The following CLSTN2 variants were observed in gnomAD, a reference collection of about 807,000 sequenced individuals.
CLSTN2 encodes the protein calsyntenin-2.
CLSTN2 carries 48 observed loss-of-function variants against 101.2 expected under a neutral mutation model. The observed-to-expected ratio is 0.47, with a 90% confidence interval of 0.38 to 0.60. CLSTN2 has a LOEUF of 0.60. Ranked by LOEUF, CLSTN2 falls within the 20% of genes least tolerant of loss-of-function variation. The probability of loss-of-function intolerance (pLI) is 0.00; values close to 1 mark genes in which losing one functional copy is unlikely to be tolerated. For synonymous variants in CLSTN2, 481 were observed against 463.6 expected (o/e 1.04, Z -0.48); for missense variants, 1,160 against 1,238.2 (o/e 0.94, Z 0.95).
chr3:140,273,238 C>CA, intron 2 of CLSTN2, among the ~76,000 whole-genome samples: 1 of 152,138 alleles, frequency 6.6e-6, no homozygotes, highest in South Asian at 2.1e-4. Flanking sequence ...GCAGGGAGAG[C>CA]ATTAGGACAA....
chr3:140,328,529 A>G (rs2087352346), intron 2 of CLSTN2, among the ~76,000 whole-genome samples: 1 of 152,214 alleles, frequency 6.6e-6, no homozygotes, highest in African/African-American at 2.4e-5. Flanking sequence ...GGGGAGCTCA[A>G]TACAAACACG....
intron 1 of CLSTN2, among the ~76,000 whole-genome samples, chr3:139,961,489 C>T (rs1645516036): frequency 6.6e-6 from 1 of 151,968 alleles, no homozygotes; most frequent in African/African-American, 2.4e-5. Flanking sequence ...AGAGTTTGAA[C>T]AAAATATGCA....
intron 8 of CLSTN2, 51 bp from the exon 9 acceptor site, chr3:140,532,273 T>C (rs6788857): frequency 6.8e-7 from 1 of 1,472,460 alleles, no homozygotes; most frequent in South Asian, 1.3e-5. Flanking sequence ...GCCTGTTTGA[T>C]GTTTTATTAC....
intron 5 of CLSTN2, among the ~76,000 whole-genome samples, chr3:140,440,870 A>C (rs1243654156): frequency 1.3e-5 from 2 of 152,218 alleles, no homozygotes; most frequent in East Asian, 3.8e-4. Context: ...CAGCTGCATA[A>C]TTTGTGGGTC....
intron 1 of CLSTN2, among the ~76,000 whole-genome samples, chr3:140,152,744 A>G (rs2009887262): frequency 6.6e-6 from 1 of 152,180 alleles, no homozygotes; most frequent in Admixed American, 6.5e-5. Flanking sequence ...AGGATTAAGT[A>G]TAAGGTTTAT....
intron 2 of CLSTN2, among the ~76,000 whole-genome samples, chr3:140,307,156 T>A (rs929673652): frequency 5.3e-5 from 8 of 152,182 alleles, no homozygotes; most frequent in African/African-American, 1.9e-4. Context: ...CCTTCCACCA[T>A]GATTATGAGG....
chr3:140,244,285 G>A (rs1473466299), intron 2 of CLSTN2, among the ~76,000 whole-genome samples: 3 of 152,172 alleles, frequency 2.0e-5, no homozygotes, highest in Non-Finnish European at 4.4e-5. Flanking sequence ...GCATGAGGGT[G>A]GGTTTTGTGA....
chr3:140,458,224 G>A (rs1382942955), intron 6 of CLSTN2, among the ~76,000 whole-genome samples: 2 of 150,928 alleles, frequency 1.3e-5, no homozygotes, highest in Non-Finnish European at 2.9e-5. Flanking sequence ...GGTGAGATGA[G>A]GCTCTGATAT....
chr3:139,966,557 C>A (rs974461440), intron 1 of CLSTN2, among the ~76,000 whole-genome samples: 1 of 152,152 alleles, frequency 6.6e-6, no homozygotes, highest in African/African-American at 2.4e-5. Context: ...CAGGCCTCAC[C>A]CCTTTTAGAA....
intron 1 of CLSTN2, among the ~76,000 whole-genome samples, chr3:140,171,841 A>AATATAATATATATATTATATAATAACAAT (rs1559797435): frequency 2.2e-4 from 20 of 91,958 alleles, no homozygotes; most frequent in Non-Finnish European, 3.5e-4. Context: ...AACAATATAT[A>AATATAATATATATATTATATAATAACAAT]ATATAATATA....
At chr3:140,121,765 T>G (rs2009344616) in intron 1 of CLSTN2, among the ~76,000 whole-genome samples, 1 of 152,120 alleles carries the variant, frequency 6.6e-6, no homozygotes, top group African/African-American at 2.4e-5. Context: ...TTGGTGGGCT[T>G]GGTGAGAGGG....
chr3:140,429,321 TA>T (rs918670696), intron 5 of CLSTN2, among the ~76,000 whole-genome samples: 1 of 152,000 alleles, frequency 6.6e-6, no homozygotes, highest in African/African-American at 2.4e-5. Flanking sequence ...ATGCTGAGGA[TA>T]AAAGCTGCAC....
chr3:140,111,126 G>A (rs2009149156), intron 1 of CLSTN2, among the ~76,000 whole-genome samples: 4 of 152,084 alleles, frequency 2.6e-5, no homozygotes, highest in Non-Finnish European at 5.9e-5. Flanking sequence ...TATTCCAAGG[G>A]GGCCAGTGAT....
At chr3:140,431,002 A>G (rs2088623023) in intron 5 of CLSTN2, among the ~76,000 whole-genome samples, 1 of 152,228 alleles carries the variant, frequency 6.6e-6, no homozygotes, top group Non-Finnish European at 1.5e-5. Context: ...GCTTTATAAA[A>G]GGGTATATCA....
chr3:140,421,295 TTG>T, intron 5 of CLSTN2, 21 bp downstream of exon 5: 1 of 1,613,724 alleles, frequency 6.2e-7, no homozygotes, highest in Non-Finnish European at 8.5e-7. Context: ...TTTATCAGTC[TTG>T]TGTGAAGGCA....
chr3:140,187,485 G>C (rs904044899), intron 2 of CLSTN2, among the ~76,000 whole-genome samples: 3 of 152,142 alleles, frequency 2.0e-5, no homozygotes, highest in Non-Finnish European at 4.4e-5. Context: ...CAGAGATGTT[G>C]TTTGAACTCT....
At chr3:139,985,756 C>G (rs1283282319) in intron 1 of CLSTN2, among the ~76,000 whole-genome samples, 1 of 152,146 alleles carries the variant, frequency 6.6e-6, no homozygotes. Context: ...TATTCAAGGT[C>G]TGGTTGCCAG....
intron 1 of CLSTN2, among the ~76,000 whole-genome samples, chr3:140,067,751 G>A (rs1468561547): frequency 6.6e-6 from 1 of 152,180 alleles, no homozygotes; most frequent in African/African-American, 2.4e-5. Context: ...GAGAGACGGG[G>A]CTGCTTCTAT....
chr3:140,110,469 T>C (rs745840018), intron 1 of CLSTN2, among the ~76,000 whole-genome samples: 1 of 152,238 alleles, frequency 6.6e-6, no homozygotes, highest in Non-Finnish European at 1.5e-5. Flanking sequence ...TACACTTCTG[T>C]AGAGGATATA....
Sources: gnomAD v4.1 joint callset for allele counts (sites outside exome capture counted in the v4.1 genomes callset) on GRCh38, gnomAD v4.1.1 for gene constraint, MANE v1.5 for transcripts, NCBI Gene and HGNC (gene_info 2026-07-23, HGNC 2026-07-21) for gene names.